The following FAF1 variants were observed in gnomAD, a reference collection of about 807,000 sequenced individuals.
FAF1 encodes FAS-associated factor 1.
FAF1 carries 25 observed loss-of-function variants against 92.5 expected under a neutral mutation model. That is an observed-to-expected ratio of 0.27 (90% CI 0.20 to 0.38). FAF1 has a LOEUF of 0.38. FAF1 is among the 10% of genes least tolerant of loss of function. The pLI, the probability that FAF1 is intolerant of heterozygous loss-of-function variation, is 1.00. For synonymous variants in FAF1, 234 were observed against 273.2 expected (o/e 0.86, Z 1.42); for missense variants, 636 against 793.3 (o/e 0.80, Z 2.38).
chr1:50,814,897 G>A (rs2124610462), intron 2 of FAF1, among the ~76,000 whole-genome samples: 1 of 152,212 alleles, frequency 6.6e-6, no homozygotes, highest in African/African-American at 2.4e-5. Flanking sequence ...GCAAGATGTG[G>A]AGAAATTAAA....
At chr1:50,706,140 A>T (rs1378943633) in intron 6 of FAF1, 26 of 375,140 alleles carry the variant, frequency 6.9e-5, no homozygotes, top group Non-Finnish European at 1.2e-4. Flanking sequence ...ATACTTAAGA[A>T]TTTTCTACAA....
intron 12 of FAF1, among the ~76,000 whole-genome samples, chr1:50,569,372 G>C (rs907163734): frequency 6.6e-6 from 1 of 152,096 alleles, no homozygotes; most frequent in South Asian, 2.1e-4. Context: ...TTTGATGAAA[G>C]AAACAAGAAC....
chr1:50,869,159 G>A (rs1392945618), intron 1 of FAF1, among the ~76,000 whole-genome samples: 1 of 152,056 alleles, frequency 6.6e-6, no homozygotes, highest in Non-Finnish European at 1.5e-5. Context: ...TTGTACTCAA[G>A]TCTACTTAGT....
At chr1:50,773,542 A>G (rs1306572237) in intron 4 of FAF1, among the ~76,000 whole-genome samples, 4 of 152,250 alleles carry the variant, frequency 2.6e-5, no homozygotes, top group Non-Finnish European at 5.9e-5. Context: ...ATGAGTCTAG[A>G]GAACATTCTG....
At chr1:50,880,718 T>C (rs1470221882) in intron 1 of FAF1, among the ~76,000 whole-genome samples, 1 of 152,212 alleles carries the variant, frequency 6.6e-6, no homozygotes, top group Non-Finnish European at 1.5e-5. Context: ...CAGTGTACGA[T>C]ATTGTTACGG....
At chr1:50,452,632 T>G (rs1369494721) in intron 18 of FAF1, among the ~76,000 whole-genome samples, 1 of 152,112 alleles carries the variant, frequency 6.6e-6, no homozygotes, top group Non-Finnish European at 1.5e-5. Flanking sequence ...GAACAAGACA[T>G]TAAGAGACAA....
At chr1:50,755,501 C>G (rs938910942) in intron 4 of FAF1, among the ~76,000 whole-genome samples, 1 of 152,180 alleles carries the variant, frequency 6.6e-6, no homozygotes, top group African/African-American at 2.4e-5. Flanking sequence ...GTGTCTGTGG[C>G]TTTTCCAGGT....
chr1:50,903,308 T>C (rs931416407), intron 1 of FAF1, among the ~76,000 whole-genome samples: 1 of 152,204 alleles, frequency 6.6e-6, no homozygotes, highest in African/African-American at 2.4e-5. Context: ...AAAGAGTTAC[T>C]TACCTGTGTT....
intron 17 of FAF1, 129 bp downstream of exon 17, chr1:50,490,459 G>GGAAA (rs1553218829): frequency 0.017 from 3,443 of 201,718 alleles, 513 homozygotes; most frequent in African/African-American, 0.14. Flanking sequence ...AAGGAAGGAA[G>GGAAA]GAAAAAGAAA....
intron 7 of FAF1, among the ~76,000 whole-genome samples, chr1:50,659,811 G>A (rs1337135722): frequency 6.6e-6 from 1 of 152,138 alleles, no homozygotes; most frequent in South Asian, 2.1e-4. Flanking sequence ...TTTTCTAAAG[G>A]TATAGTTTAA....
intron 8 of FAF1, among the ~76,000 whole-genome samples, chr1:50,615,637 T>G (rs916696597): frequency 6.6e-6 from 1 of 152,210 alleles, no homozygotes; most frequent in Non-Finnish European, 1.5e-5. Context: ...TTTTTTCATA[T>G]GTTTGTTAGC....
At chr1:50,501,892 T>C (rs949759808) in intron 15 of FAF1, among the ~76,000 whole-genome samples, 1 of 152,192 alleles carries the variant, frequency 6.6e-6, no homozygotes. Flanking sequence ...CATATGCCTA[T>C]ATAAAATGTG....
chr1:50,598,768 C>T (rs1572859865), intron 8 of FAF1, among the ~76,000 whole-genome samples: 1 of 152,050 alleles, frequency 6.6e-6, no homozygotes, highest in Non-Finnish European at 1.5e-5. Context: ...GTCAAGAATT[C>T]GAGACCAGCC....
intron 1 of FAF1, among the ~76,000 whole-genome samples, chr1:50,924,906 C>G (rs1644992127): frequency 6.6e-6 from 1 of 152,120 alleles, no homozygotes; most frequent in South Asian, 2.1e-4. Flanking sequence ...TTACTTGAAC[C>G]CAGGAGGCGG....
At chr1:50,932,488 G>A (rs1570156118) in intron 1 of FAF1, among the ~76,000 whole-genome samples, 1 of 152,334 alleles carries the variant, frequency 6.6e-6, no homozygotes, top group Admixed American at 6.5e-5. Flanking sequence ...TTGACTCCAG[G>A]TCTCACATTC....
chr1:50,892,125 G>C (rs1557577949), intron 1 of FAF1, among the ~76,000 whole-genome samples: 1 of 152,234 alleles, frequency 6.6e-6, no homozygotes, highest in African/African-American at 2.4e-5. Context: ...CTAGCAATGA[G>C]TGAGGCTCCA....
At chr1:50,495,482 T>C (rs1646887428) in intron 15 of FAF1, among the ~76,000 whole-genome samples, 1 of 152,236 alleles carries the variant, frequency 6.6e-6, no homozygotes, top group Admixed American at 6.5e-5. Flanking sequence ...TGTGTACATG[T>C]ACCATGTTTT....
intron 6 of FAF1, among the ~76,000 whole-genome samples, chr1:50,717,534 ATATAAAGGCTTTT>A (rs1468214473): frequency 6.6e-6 from 1 of 152,186 alleles, no homozygotes; most frequent in Non-Finnish European, 1.5e-5. Context: ...AAGGGGACTA[ATATAAAGGCTTTT>A]AGGGCCTCTG....
intron 6 of FAF1, among the ~76,000 whole-genome samples, chr1:50,737,613 C>T (rs892448241): frequency 1.3e-5 from 2 of 152,162 alleles, no homozygotes; most frequent in African/African-American, 2.4e-5. Flanking sequence ...CATTAACATA[C>T]GGTCTAAACA....
Sources: gnomAD v4.1 joint callset for allele counts (sites outside exome capture counted in the v4.1 genomes callset) on GRCh38, gnomAD v4.1.1 for gene constraint, MANE v1.5 for transcripts, NCBI Gene and HGNC (gene_info 2026-07-23, HGNC 2026-07-21) for gene names.